The following ERBB4 variants were observed in gnomAD, a reference collection of about 807,000 sequenced individuals.
The protein encoded by ERBB4 is erb-b2 receptor tyrosine kinase 4.
ERBB4 carries 42 observed loss-of-function variants against 158.0 expected under a neutral mutation model. The ratio of observed to expected loss-of-function variants is 0.27; its 90% confidence interval spans 0.21 to 0.34. The LOEUF (loss-of-function observed/expected upper bound fraction) is 0.34, where lower values mean the gene tolerates loss of function less well. Ranked by LOEUF, ERBB4 falls within the 10% of genes least tolerant of loss-of-function variation. ERBB4 has a pLI of 1.00. For missense variants in ERBB4, 1,333 were observed against 1,624.1 expected (o/e 0.82, Z 3.08); for synonymous variants, 583 against 558.7 (o/e 1.04, Z -0.61).
intron 1 of ERBB4, among the ~76,000 whole-genome samples, chr2:212,262,299 A>G (rs1374862183): frequency 1.3e-5 from 2 of 152,158 alleles, no homozygotes; most frequent in Non-Finnish European, 2.9e-5. Context: ...TTTATTCTAT[A>G]TGAGCTGTAT....
chr2:211,620,822 A>C (rs2069572744), intron 18 of ERBB4, among the ~76,000 whole-genome samples: 1 of 152,170 alleles, frequency 6.6e-6, no homozygotes, highest in South Asian at 2.1e-4. Flanking sequence ...GTGTAGTTTT[A>C]AAATAATATA....
intron 3 of ERBB4, among the ~76,000 whole-genome samples, chr2:211,938,383 G>A (rs546443578): frequency 6.6e-6 from 1 of 152,240 alleles, no homozygotes. Context: ...ACGTTATTGT[G>A]CTTGTAAGTC....
intron 3 of ERBB4, among the ~76,000 whole-genome samples, chr2:211,860,961 TATATAAATATATTTAA>T (rs2077996878): frequency 2.0e-5 from 2 of 101,086 alleles, no homozygotes; most frequent in African/African-American, 7.6e-5. Context: ...TATATATAAA[TATATAAATATATTTAA>T]ATATATTATA....
At chr2:212,429,180 A>G (rs951741825) in intron 1 of ERBB4, 4 of 152,224 alleles carry the variant, frequency 2.6e-5, no homozygotes, top group Non-Finnish European at 5.9e-5. Flanking sequence ...CCTTCAGAGC[A>G]GCAATGACCT....
At chr2:211,415,941 A>C (rs2063379637) in intron 25 of ERBB4, among the ~76,000 whole-genome samples, 1 of 152,232 alleles carries the variant, frequency 6.6e-6, no homozygotes. Context: ...AAAGAAGGGA[A>C]AAAGAAGTTA....
chr2:212,182,562 CTGT>C (rs1180854975), intron 1 of ERBB4, among the ~76,000 whole-genome samples: 1 of 151,720 alleles, frequency 6.6e-6, no homozygotes, highest in Admixed American at 6.6e-5. Flanking sequence ...ATGCTCTGAA[CTGT>C]TGTTTTTATT....
chr2:212,535,504 AAAG>A (rs1359436739), intron 1 of ERBB4, among the ~76,000 whole-genome samples: 9 of 152,174 alleles, frequency 5.9e-5, no homozygotes, highest in Non-Finnish European at 8.8e-5. Context: ...TACCTGCAAA[AAAG>A]AAATGGGAAC....
At chr2:212,247,730 G>A (rs1031060362) in intron 1 of ERBB4, among the ~76,000 whole-genome samples, 39 of 152,142 alleles carry the variant, frequency 2.6e-4, no homozygotes, top group African/African-American at 9.2e-4. Flanking sequence ...CTGGGAGGCC[G>A]AGGCAGACAG....
chr2:212,378,088 A>T (rs906499826), intron 1 of ERBB4, among the ~76,000 whole-genome samples: 8 of 151,858 alleles, frequency 5.3e-5, no homozygotes, highest in Non-Finnish European at 1.2e-4. Flanking sequence ...CTTCACGGGT[A>T]ATAGCACGCA....
intron 3 of ERBB4, among the ~76,000 whole-genome samples, chr2:211,855,158 G>T (rs1365102105): frequency 1.3e-5 from 2 of 152,076 alleles, no homozygotes; most frequent in African/African-American, 4.8e-5. Flanking sequence ...GTTGGAGAGT[G>T]CTCCTTCAAG....
intron 1 of ERBB4, among the ~76,000 whole-genome samples, chr2:212,287,364 CAGAA>C (rs1033125951): frequency 6.6e-6 from 1 of 152,138 alleles, no homozygotes; most frequent in Non-Finnish European, 1.5e-5. Flanking sequence ...AGAAGACAGA[CAGAA>C]ACCCATATGT....
At chr2:211,757,770 T>C (rs891347521) in intron 4 of ERBB4, among the ~76,000 whole-genome samples, 2 of 152,204 alleles carry the variant, frequency 1.3e-5, no homozygotes, top group African/African-American at 4.8e-5. Flanking sequence ...GGCTTGAAGA[T>C]TCTAAAGTTA....
chr2:212,310,612 TGTG>T (rs2086999140), intron 1 of ERBB4, among the ~76,000 whole-genome samples: 1 of 5,824 alleles, frequency 1.7e-4, no homozygotes, highest in Non-Finnish European at 6.6e-4. Context: ...TATGTATATG[TGTG>T]TGTGTGTGTG....
chr2:212,402,014 T>C (rs559335962), intron 1 of ERBB4, among the ~76,000 whole-genome samples: 61 of 152,264 alleles, frequency 4.0e-4, no homozygotes, highest in African/African-American at 1.5e-3. Context: ...TTCTCGGCCA[T>C]TTATTCCTCA....
chr2:211,683,744 T>TTG (rs2072450730), intron 12 of ERBB4, among the ~76,000 whole-genome samples: 1 of 149,896 alleles, frequency 6.7e-6, no homozygotes, highest in African/African-American at 2.4e-5. Context: ...TAGTCAGGGT[T>TTG]TTTTTTTTTT....
chr2:211,954,659 G>T (rs769815950), intron 2 of ERBB4, among the ~76,000 whole-genome samples: 24 of 151,962 alleles, frequency 1.6e-4, no homozygotes, highest in Admixed American at 3.9e-4. Context: ...GTGGTAAGAG[G>T]GGGGGTAATA....
chr2:212,117,715 T>C (rs1008682491), intron 2 of ERBB4, among the ~76,000 whole-genome samples: 5 of 152,160 alleles, frequency 3.3e-5, no homozygotes, highest in African/African-American at 1.2e-4. Flanking sequence ...AAATATGAGA[T>C]TGTAATTCAT....
intron 16 of ERBB4, among the ~76,000 whole-genome samples, chr2:211,652,828 T>C (rs912533553): frequency 6.6e-6 from 1 of 152,190 alleles, no homozygotes; most frequent in Non-Finnish European, 1.5e-5. Flanking sequence ...ATTTCACAAA[T>C]TTGAAGAGTT....
intron 2 of ERBB4, among the ~76,000 whole-genome samples, chr2:212,041,098 C>T (rs573287984): frequency 1.4e-4 from 21 of 152,016 alleles, no homozygotes; most frequent in African/African-American, 2.4e-4. Flanking sequence ...TGCCTCAGTA[C>T]GTACTTCCAT....
Sources: gnomAD v4.1 joint callset for allele counts (sites outside exome capture counted in the v4.1 genomes callset) on GRCh38, gnomAD v4.1.1 for gene constraint, MANE v1.5 for transcripts, NCBI Gene and HGNC (gene_info 2026-07-23, HGNC 2026-07-21) for gene names.